SP140L: variants seen among roughly 807,000 people sequenced by gnomAD.
The protein encoded by SP140L is nuclear body protein SP140-like protein.
SP140L carries 64 observed loss-of-function variants against 84.3 expected under a neutral mutation model. The ratio of observed to expected loss-of-function variants is 0.76; its 90% CI spans 0.62 to 0.94. The LOEUF is 0.94. SP140L is among the 40% of genes least tolerant of loss of function. The pLI is 0.00. For synonymous variants in SP140L, 242 were observed against 236.9 expected (o/e 1.02, Z -0.20); for missense variants, 628 against 692.5 (o/e 0.91, Z 1.05).
At chr2:230,380,659 C>T (rs537051919) in intron 7 of SP140L, among the ~76,000 whole-genome samples, 5 of 152,168 alleles carry the variant, frequency 3.3e-5, no homozygotes, top group Non-Finnish European at 5.9e-5. Flanking sequence ...CCTATCAGGG[C>T]AATCACTACT....
chr2:230,346,534 G>T (rs532579223), intron 2 of SP140L, among the ~76,000 whole-genome samples: 1 of 151,802 alleles, frequency 6.6e-6, no homozygotes, highest in Non-Finnish European at 1.5e-5. Context: ...TTCACTTGAT[G>T]GTGTCCCATA....
intron 5 of SP140L, among the ~76,000 whole-genome samples, chr2:230,363,507 G>A (rs1237654406): frequency 5.1e-5 from 6 of 116,996 alleles, no homozygotes; most frequent in Non-Finnish European, 1.0e-4. Flanking sequence ...TTTATAATCT[G>A]TTTATTTGTT....
chr2:230,355,118 T>G (rs867486883), intron 2 of SP140L, among the ~76,000 whole-genome samples: 11 of 152,006 alleles, frequency 7.2e-5, no homozygotes, highest in Non-Finnish European at 8.8e-5. Flanking sequence ...CGAAATAAGA[T>G]CCAAAAAAAG....
chr2:230,331,349 G>C (rs529464206), intron 2 of SP140L, among the ~76,000 whole-genome samples: 1 of 152,194 alleles, frequency 6.6e-6, no homozygotes, highest in Admixed American at 6.5e-5. Context: ...ACTATCTGCA[G>C]TTTCAGGCAT....
chr2:230,400,809 G>A, intron 15 of SP140L, 146 bp from the exon 16 acceptor site: 1 of 1,562,430 alleles, frequency 6.4e-7, no homozygotes, highest in Non-Finnish European at 8.7e-7. Context: ...GACCCCATGT[G>A]CAGTTCTTGG....
At chr2:230,357,735 A>C in intron 2 of SP140L, 70 bp from the exon 3 acceptor site, 1 of 1,495,764 alleles carries the variant, frequency 6.7e-7, no homozygotes, top group Non-Finnish European at 9.1e-7. Context: ...GTTATACATA[A>C]AATCTTACCA....
intron 2 of SP140L, among the ~76,000 whole-genome samples, chr2:230,329,416 C>T (rs1411412994): frequency 6.6e-6 from 1 of 152,150 alleles, no homozygotes; most frequent in African/African-American, 2.4e-5. Context: ...CAAACTTTTC[C>T]TCCATGACAA....
At chr2:230,383,321 C>A (rs931445326) in intron 7 of SP140L, among the ~76,000 whole-genome samples, 189 bp from the exon 8 acceptor site, 1 of 152,194 alleles carries the variant, frequency 6.6e-6, no homozygotes, top group Non-Finnish European at 1.5e-5. Context: ...AAGCCCATGG[C>A]CCAAGGCTCA....
At position 230,402,820 on chromosome 2, in the gene SP140L, G is replaced by A. The variant is rs1470875739; in HGVS notation, c.1667G>A (p.Gly556Glu). ...SYKYKDFGQMGLRLEAEFEKD... is the reference protein window; with the variant it reads ...SYKYKDFGQMELRLEAEFEKD... ...CAGTATAAGGATTTTGGCCAAATGG[G>A]ACTTAGACTGGAGGCTGAATTTGAG... The change falls in exon 19 of 19, where the codon GGA (glycine) becomes GAA (glutamate). Residue 556 changes from glycine to glutamate, a missense_variant. Gly to Glu is a moderately conservative substitution (Grantham distance 98, BLOSUM62 -2). This residue lies in a region of SP140L where 44 missense variants were observed against 36.1 expected (regional missense o/e 1.22). Coordinates refer to ENST00000415673, the MANE Select transcript of SP140L (RefSeq NM_138402.6). 3 of 1,612,372 alleles carry A rather than the reference G, an allele frequency of 1.9e-6. No individual in the cohort carries two copies. The highest frequency in any genetic ancestry group is 2.5e-6 in the Non-Finnish European group (3 of 1,179,582).
At chr2:230,396,908 G>C in intron 14 of SP140L, 110 bp downstream of exon 14, 1 of 1,322,114 alleles carries the variant, frequency 7.6e-7, no homozygotes, top group Non-Finnish European at 1.1e-6. Context: ...CTCAGTTGGA[G>C]TATGTGGCTG....
At chr2:230,354,877 G>GAAAC (rs1488136590) in intron 2 of SP140L, among the ~76,000 whole-genome samples, 1 of 115,226 alleles carries the variant, frequency 8.7e-6, no homozygotes, top group Non-Finnish European at 1.8e-5. Flanking sequence ...AAGAAAGAAA[G>GAAAC]AAAGAAAGAA....
At chr2:230,344,836 T>C (rs1210060641) in intron 2 of SP140L, among the ~76,000 whole-genome samples, 4 of 152,358 alleles carry the variant, frequency 2.6e-5, no homozygotes, top group African/African-American at 9.6e-5. Flanking sequence ...TTATGAATTC[T>C]CTGAATTTCC....
intron 8 of SP140L, among the ~76,000 whole-genome samples, chr2:230,384,092 T>C (rs1291999864): frequency 6.6e-6 from 1 of 152,192 alleles, no homozygotes; most frequent in Non-Finnish European, 1.5e-5. Flanking sequence ...TTTATAAAGA[T>C]ATATGCAGTG....
chr2:230,369,407 T>C (rs922959450), intron 5 of SP140L, among the ~76,000 whole-genome samples: 14 of 152,344 alleles, frequency 9.2e-5, no homozygotes, highest in African/African-American at 3.4e-4. Context: ...AGACTGCATC[T>C]GTAAGGGCTG....
intron 2 of SP140L, among the ~76,000 whole-genome samples, chr2:230,333,259 A>G (rs1266362375): frequency 6.6e-6 from 1 of 151,770 alleles, no homozygotes; most frequent in East Asian, 1.9e-4. Flanking sequence ...CCCAGGTTCA[A>G]GTGATTCTCC....
chr2:230,356,450 T>C (rs1281373276), intron 2 of SP140L, among the ~76,000 whole-genome samples: 2 of 152,106 alleles, frequency 1.3e-5, no homozygotes, highest in African/African-American at 4.8e-5. Context: ...CACAGCAACA[T>C]AGATGATAAG....
At chr2:230,402,711 C>A in intron 18 of SP140L, 87 bp from the exon 19 acceptor site, 2 of 1,025,790 alleles carry the variant, frequency 1.9e-6, no homozygotes, top group Non-Finnish European at 2.9e-6. Flanking sequence ...TTTTTAAAGA[C>A]AAGAGTCCTG....
In SP140L at chr2:230,371,582, A is replaced by C; in HGVS notation, c.584-16A>C. ...TATTAATTTCTGTTTCCTCACTACCACTTGTTATTTTCTAGATACTGTGGA... is the reference window on the plus strand; with the variant it reads ...TATTAATTTCTGTTTCCTCACTACCCCTTGTTATTTTCTAGATACTGTGGA... On this transcript the variant is annotated splice_polypyrimidine_tract_variant and intron_variant, in intron 6 of 18. Transcript: ENST00000415673. The C allele has an allele frequency of 2.3e-5, 36 of 1,586,758 alleles. No homozygotes were observed. Among genetic ancestry groups the C allele is most frequent in the Non-Finnish European group, 3.1e-5 (36 of 1,162,838 alleles).
intron 2 of SP140L, among the ~76,000 whole-genome samples, chr2:230,344,404 G>A (rs1420245642): frequency 2.0e-5 from 3 of 152,198 alleles, no homozygotes; most frequent in Non-Finnish European, 4.4e-5. Flanking sequence ...TTGAGCCTAT[G>A]TGTATCTTTG....
Sources: allele counts gnomAD v4.1 joint callset (sites outside exome capture counted in the v4.1 genomes callset), GRCh38; gene constraint gnomAD v4.1.1; regional missense constraint gnomAD v4.1.1; transcripts MANE v1.5; gene names NCBI Gene and HGNC (gene_info 2026-07-23, HGNC 2026-07-21).